KDM4C: variants seen among roughly 807,000 people sequenced by gnomAD.
KDM4C encodes lysine demethylase 4C.
KDM4C carries 81 observed loss-of-function variants against 129.3 expected under a neutral mutation model. The observed-to-expected ratio is 0.63, with a 90% CI of 0.52 to 0.75. The LOEUF is 0.75. Among genes scored for constraint, KDM4C ranks in the 30% least tolerant of loss-of-function variants. The pLI, the probability that KDM4C is intolerant of heterozygous loss-of-function variation, is 0.00. For missense variants in KDM4C, 1,457 were observed against 1,304.0 expected, an observed-to-expected ratio of 1.12 and a Z score of -1.81; for synonymous variants, 573 against 456.1, an observed-to-expected ratio of 1.26 and a Z score of -3.26.
At chr9:6,831,161 A>G (rs757374912) in intron 4 of KDM4C, among the ~76,000 whole-genome samples, 2 of 152,070 alleles carry the variant, frequency 1.3e-5, no homozygotes, top group Non-Finnish European at 2.9e-5. Flanking sequence ...GGATTTTACT[A>G]TCGAAGAAAT....
intron 20 of KDM4C, among the ~76,000 whole-genome samples, chr9:7,169,041 T>A (rs1480351906): frequency 7.8e-6 from 1 of 128,458 alleles, no homozygotes; most frequent in Non-Finnish European, 1.7e-5. Flanking sequence ...CAAGGCCCTG[T>A]CTCAATTTAA....
chr9:6,804,825 C>A (rs1002349071), intron 2 of KDM4C, among the ~76,000 whole-genome samples: 1 of 151,800 alleles, frequency 6.6e-6, no homozygotes, highest in Non-Finnish European at 1.5e-5. Flanking sequence ...ATATAAACAG[C>A]ACATAGGTAC....
intron 8 of KDM4C, chr9:6,941,461 C>T (rs375321841): frequency 6.6e-6 from 1 of 151,930 alleles, no homozygotes; most frequent in Non-Finnish European, 1.5e-5. Flanking sequence ...TGTGCATTAT[C>T]CTAAATTAAA....
chr9:7,070,072 AACAG>A (rs1832987934), intron 17 of KDM4C, among the ~76,000 whole-genome samples: 1 of 152,242 alleles, frequency 6.6e-6, no homozygotes. Context: ...GGGAACAACA[AACAG>A]ACTGACAAAA....
chr9:6,814,521 T>C (rs2131142915), intron 3 of KDM4C, 110 bp from the exon 4 acceptor site: 1 of 593,028 alleles, frequency 1.7e-6, no homozygotes, highest in East Asian at 2.9e-5. Flanking sequence ...ACATGCAGTA[T>C]TTTCGTTTTG....
chr9:6,937,199 C>T (rs1824968605), intron 8 of KDM4C, among the ~76,000 whole-genome samples: 1 of 152,062 alleles, frequency 6.6e-6, no homozygotes, highest in Non-Finnish European at 1.5e-5. Flanking sequence ...AGGTGTGAGC[C>T]GCCTCACCCA....
chr9:6,829,626 C>T lies in KDM4C; in HGVS notation c.435+14881C>T, dbSNP rs184296906. Among the ~76,000 whole-genome samples the T allele has an allele frequency of 8.4e-3, 1,284 of 152,280 alleles. 11 individuals are homozygous for T. Among genetic ancestry groups the T allele is most frequent in the South Asian group, 0.013 (62 of 4,830 alleles). ...CTTAGTGGCAGAGCTGGGAGACCCC[C>T]CTTTCCTATTCTGTCTCTACTCTTT... On this transcript the variant is annotated intron_variant, in intron 4 of 21. Transcript: ENST00000381309.
chr9:7,137,388 G>A (rs180757412), intron 19 of KDM4C, among the ~76,000 whole-genome samples: 20 of 152,190 alleles, frequency 1.3e-4, no homozygotes, highest in African/African-American at 3.9e-4. Flanking sequence ...AATAACTAAC[G>A]TGGCCAGATG....
chr9:6,857,266 C>G (rs1174430309), intron 5 of KDM4C, among the ~76,000 whole-genome samples: 1 of 152,152 alleles, frequency 6.6e-6, no homozygotes, highest in Non-Finnish European at 1.5e-5. Flanking sequence ...CACCCTGTAT[C>G]TACCAAAAAC....
intron 17 of KDM4C, among the ~76,000 whole-genome samples, chr9:7,053,375 A>AT (rs1830471441): frequency 6.6e-6 from 1 of 152,160 alleles, no homozygotes; most frequent in African/African-American, 2.4e-5. Flanking sequence ...ACTTGAGCAG[A>AT]TTTTTTCCTC....
At chr9:7,114,658 T>C (rs967829514) in intron 18 of KDM4C, among the ~76,000 whole-genome samples, 6 of 152,348 alleles carry the variant, frequency 3.9e-5, no homozygotes, top group Non-Finnish European at 8.8e-5. Context: ...GTTTGGTTTT[T>C]ATCACAAAAG....
At chr9:6,811,215 G>GT (rs1359488600) in intron 3 of KDM4C, among the ~76,000 whole-genome samples, 2 of 152,050 alleles carry the variant, frequency 1.3e-5, no homozygotes, top group Non-Finnish European at 2.9e-5. Context: ...GTGCAGTGGC[G>GT]TGATCTCGGC....
chr9:6,880,516 C>T (rs1488326869), intron 6 of KDM4C, among the ~76,000 whole-genome samples: 2 of 152,042 alleles, frequency 1.3e-5, no homozygotes, highest in Admixed American at 6.5e-5. Context: ...TCACTGCCGA[C>T]GCCCAGTTCT....
chr9:7,121,711 A>G (rs1162378506), intron 18 of KDM4C, among the ~76,000 whole-genome samples: 2 of 152,080 alleles, frequency 1.3e-5, no homozygotes, highest in Non-Finnish European at 2.9e-5. Context: ...TACTAATCCA[A>G]CCCTGTGGAT....
chr9:6,880,713 C>A (rs905796883), intron 6 of KDM4C, among the ~76,000 whole-genome samples: 12 of 152,312 alleles, frequency 7.9e-5, no homozygotes, highest in African/African-American at 2.9e-4. Flanking sequence ...AAGAACTTTT[C>A]TGGACCTCTA....
At chr9:7,073,615 T>G (rs1833512730) in intron 17 of KDM4C, among the ~76,000 whole-genome samples, 1 of 152,258 alleles carries the variant, frequency 6.6e-6, no homozygotes, top group Non-Finnish European at 1.5e-5. Context: ...GTTTTTTGTT[T>G]GTTTTACTTT....
At chr9:6,971,694 A>T (rs1041774563) in intron 8 of KDM4C, among the ~76,000 whole-genome samples, 1 of 152,218 alleles carries the variant, frequency 6.6e-6, no homozygotes, top group Non-Finnish European at 1.5e-5. Context: ...TATTTATGAC[A>T]TGTTTCATAT....
chr9:7,134,447 G>A lies in KDM4C; in HGVS notation c.2781+6211G>A, dbSNP rs137992921. 2.3e-3 allele frequency among the ~76,000 whole-genome samples: 349 copies of A among 152,108 alleles called. 2 individuals are homozygous for A. The highest frequency in any genetic ancestry group is 6.1e-3 in the Admixed American group (93 of 15,286). ...ATGATGCATAAATCAAATCCTAACC[G>A]TTATGTTTATGTAGCCAAATTTCCT... On this transcript the variant is annotated intron_variant, in intron 19 of 21. Transcript: ENST00000381309.
intron 5 of KDM4C, among the ~76,000 whole-genome samples, chr9:6,864,824 A>G (rs1276188427): frequency 6.9e-6 from 1 of 145,038 alleles, no homozygotes; most frequent in Non-Finnish European, 1.5e-5. Flanking sequence ...TTTTTAATTT[A>G]TTTTTTTTCT....
Sources: gnomAD v4.1 joint callset for allele counts (sites outside exome capture counted in the v4.1 genomes callset) on GRCh38, gnomAD v4.1.1 for gene constraint, MANE v1.5 for transcripts, NCBI Gene and HGNC (gene_info 2026-07-23, HGNC 2026-07-21) for gene names.